The following TSPAN8 variants were observed in gnomAD, a reference collection of about 807,000 sequenced individuals.
TSPAN8 encodes the protein tetraspanin 8.
In TSPAN8, 21 loss-of-function variants were observed where a neutral mutation model predicts 32.8. The observed-to-expected ratio is 0.64, with a 90% CI of 0.45 to 0.92. The LOEUF (loss-of-function observed/expected upper bound fraction) is 0.92, where lower values mean the gene tolerates loss of function less well. Ranked by LOEUF, TSPAN8 falls within the 40% of genes least tolerant of loss-of-function variation. TSPAN8 has a pLI of 0.00. For missense variants in TSPAN8, 269 were observed against 281.9 expected, an observed-to-expected ratio of 0.95 and a Z score of 0.33; for synonymous variants, 95 against 94.6, an observed-to-expected ratio of 1.00 and a Z score of -0.03.
At chr12:71,156,507 T>A (rs970396293) in intron 2 of TSPAN8, among the ~76,000 whole-genome samples, 4 of 152,060 alleles carry the variant, frequency 2.6e-5, no homozygotes, top group Non-Finnish European at 4.4e-5. Context: ...TTTACTTTTT[T>A]AAATATTTAC....
intron 3 of TSPAN8, among the ~76,000 whole-genome samples, chr12:71,140,173 A>G (rs1219549017): frequency 2.0e-5 from 3 of 152,194 alleles, no homozygotes; most frequent in Non-Finnish European, 4.4e-5. Context: ...TGTATTCTAT[A>G]TAAAGTGCAT....
chr12:71,139,978 T>C, intron 3 of TSPAN8, 130 bp from the exon 4 acceptor site: 1 of 634,772 alleles, frequency 1.6e-6, no homozygotes, highest in Non-Finnish European at 2.6e-6. Flanking sequence ...ACATCAGTGA[T>C]CTTAAAAAGT....
At chr12:71,128,657 A>ATTTTT (rs1260528581) in intron 8 of TSPAN8, among the ~76,000 whole-genome samples, 1 of 138,870 alleles carries the variant, frequency 7.2e-6, no homozygotes. Context: ...TTTTTTTTTA[A>ATTTTT]AAAAAAAACA....
rs1467230624 is a variant in TSPAN8 at position 71,135,522 on chromosome 12, GGA to G, written c.444+2429_444+2430del. On this transcript the variant is annotated intron_variant, in intron 6 of 8. Coordinates refer to ENST00000247829, the MANE Select transcript of TSPAN8 (RefSeq NM_004616.3). ...AAAGGAAGAAGGAGGAGGAGAAGGA[GGA>G]GAAGGGGAAGGAGAAGGAAAGAAGG... is the stretch of plus-strand genomic sequence containing the variant. Among the ~76,000 whole-genome samples, 238 of 66,114 alleles carry G rather than the reference GGA, an allele frequency of 3.6e-3. 1 individual carries two copies. Among genetic ancestry groups the G allele is most frequent in the African/African-American group, 0.01 (228 of 22,382 alleles). 43.4% of individuals were successfully genotyped at this position (66,114 alleles called of 152,430 possible). A position where few individuals can be genotyped will look rare whatever the true frequency, so the allele number is the denominator to read the frequency against.
At chr12:71,132,925 T>A in intron 6 of TSPAN8, 101 bp from the exon 7 acceptor site, 1 of 1,350,240 alleles carries the variant, frequency 7.4e-7, no homozygotes, top group Admixed American at 2.1e-5. Flanking sequence ...TAAAGGTTAT[T>A]ATGCTAAAAT....
rs10879263 is a variant in TSPAN8 at position 71,133,541 on chromosome 12, C to T, written c.445-717G>A. ...AAATTTCCACTCCATGATCTCTGAT[C>T]ACTTTTGAAAGACAGGAGGAAAAAA... On this transcript the variant is annotated intron_variant, in intron 6 of 8. Coordinates refer to ENST00000247829, the MANE Select transcript of TSPAN8 (RefSeq NM_004616.3). Among the ~76,000 whole-genome samples the T allele has an allele frequency of 2.6e-3, 400 of 152,232 alleles. 8 individuals carry two copies. The East Asian group carries it at 0.05, about 19-fold the overall frequency.
intron 4 of TSPAN8, chr12:71,139,388 T>C (rs1871820736): frequency 2.1e-6 from 1 of 484,750 alleles, no homozygotes; most frequent in Non-Finnish European, 3.7e-6. Context: ...TGCTTACTTA[T>C]TAACCTTCCC....
chr12:71,157,821 G>A (rs1872496052), intron 1 of TSPAN8, 34 bp from the exon 2 acceptor site: 2 of 637,052 alleles, frequency 3.1e-6, no homozygotes, highest in East Asian at 2.6e-5. Context: ...AAGAAGTAGA[G>A]GGAGGAATAA....
At chr12:71,132,234 A>G (rs1871539804) in intron 7 of TSPAN8, among the ~76,000 whole-genome samples, 2 of 152,246 alleles carry the variant, frequency 1.3e-5, no homozygotes, top group African/African-American at 2.4e-5. Flanking sequence ...GTATTTGGGA[A>G]GGACTTGGAG....
Position 71,138,222 on chromosome 12 carries a change from T to C in TSPAN8, c.270A>G (p.Ile90Met), listed in dbSNP as rs142975890. 4.2e-5 allele frequency: 67 copies of C among 1,613,224 alleles called. No homozygotes were observed. Among genetic ancestry groups the C allele is most frequent in the Non-Finnish European group, 5.4e-5 (64 of 1,179,800 alleles). The change falls in exon 5 of 9, where the codon ATA (isoleucine) becomes ATG (methionine). Residue 90 changes from isoleucine to methionine, a missense_variant. Transcript: ENST00000247829. ...GCAGGAGCAGGATCAGAAGCAAGCC[T>C]ATGAAAAACTGAAGAAGAGAAAAAG... is the stretch of plus-strand genomic sequence containing the variant. The part of the protein sequence containing the change: ...ESRCMLLLFF[I>M]GLLLILLLQV...
chr12:71,127,374 T>C (rs1450094903), intron 8 of TSPAN8, among the ~76,000 whole-genome samples: 1 of 152,108 alleles, frequency 6.6e-6, no homozygotes, highest in Admixed American at 6.5e-5. Context: ...TATAAAATGA[T>C]TTGTTTCCCT....
intron 7 of TSPAN8, among the ~76,000 whole-genome samples, chr12:71,131,072 A>G (rs1264796054): frequency 1.3e-5 from 2 of 152,192 alleles, no homozygotes; most frequent in Non-Finnish European, 2.9e-5. Context: ...GAGGAAAAAC[A>G]TCTTTCAGTT....
intron 2 of TSPAN8, among the ~76,000 whole-genome samples, chr12:71,147,819 T>A (rs1409074693): frequency 6.6e-6 from 1 of 152,188 alleles, no homozygotes; most frequent in Non-Finnish European, 1.5e-5. Flanking sequence ...TTATTAGAAA[T>A]TTAGTAAATA....
At chr12:71,133,396 T>C (rs1352066992) in intron 6 of TSPAN8, among the ~76,000 whole-genome samples, 1 of 152,152 alleles carries the variant, frequency 6.6e-6, no homozygotes, top group Non-Finnish European at 1.5e-5. Context: ...CACCTACTAG[T>C]TTTTAATGAC....
chr12:71,132,413 T>A (rs1871545228), intron 7 of TSPAN8, among the ~76,000 whole-genome samples: 1 of 152,200 alleles, frequency 6.6e-6, no homozygotes, highest in South Asian at 2.1e-4. Context: ...AAAGAGAGGA[T>A]AAAATAAACT....
At chr12:71,129,255 T>C in intron 8 of TSPAN8, 76 bp downstream of exon 8, 1 of 1,381,982 alleles carries the variant, frequency 7.2e-7, no homozygotes, top group South Asian at 1.4e-5. Flanking sequence ...TGTTTGTTTG[T>C]TCACCATCAA....
Position 71,157,512 on chromosome 12 carries a change from T to G in TSPAN8, c.60+107A>C, listed in dbSNP as rs994094587. ...CAAACAAGTACATGGAAAATACATTTTCCCCCTTCTCTTATTTCTCTAGTG... is the reference window on the plus strand; with the variant it reads ...CAAACAAGTACATGGAAAATACATTGTCCCCCTTCTCTTATTTCTCTAGTG... On this transcript the variant is annotated intron_variant, in intron 2 of 8. Transcript: ENST00000247829. 20 of 751,202 alleles carry G rather than the reference T, an allele frequency of 2.7e-5. No homozygotes were observed. In the East Asian group the frequency reaches 5.0e-4, roughly 19 times the overall value. 46.5% of individuals were successfully genotyped at this position (751,202 alleles called of 1,614,324 possible).
At chr12:71,135,192 G>A (rs1871641773) in intron 6 of TSPAN8, among the ~76,000 whole-genome samples, 1 of 150,256 alleles carries the variant, frequency 6.7e-6, no homozygotes, top group Non-Finnish European at 1.5e-5. Context: ...GGAGATGGAG[G>A]AGGAGGATAA....
chr12:71,138,337 G>C (rs1408288780), intron 4 of TSPAN8, 107 bp from the exon 5 acceptor site: 19 of 1,070,810 alleles, frequency 1.8e-5, no homozygotes, highest in Admixed American at 9.1e-5. Context: ...ATCACAGTGA[G>C]AGTGTCAGTC....
Sources: allele counts gnomAD v4.1 joint callset (sites outside exome capture counted in the v4.1 genomes callset), GRCh38; gene constraint gnomAD v4.1.1; transcripts MANE v1.5; gene names NCBI Gene and HGNC (gene_info 2026-07-23, HGNC 2026-07-21).